SLC14A2: variants seen among roughly 807,000 people sequenced by gnomAD.
The protein encoded by SLC14A2 is solute carrier family 14 member 2.
Under a neutral mutation model 104.6 loss-of-function variants are expected in SLC14A2, and 91 were observed. The observed-to-expected ratio is 0.87, with a 90% confidence interval of 0.73 to 1.04. The LOEUF (loss-of-function observed/expected upper bound fraction) is 1.04, where lower values mean the gene tolerates loss of function less well. SLC14A2 is among the 50% of genes least tolerant of loss of function. The probability of loss-of-function intolerance (pLI) is 0.00; values close to 1 mark genes in which losing one functional copy is unlikely to be tolerated. For missense variants in SLC14A2, 1,189 were observed against 1,156.0 expected (o/e 1.03, Z -0.41); for synonymous variants, 476 against 466.4 (o/e 1.02, Z -0.27).
intron 1 of SLC14A2, among the ~76,000 whole-genome samples, chr18:45,316,558 C>G (rs908823005): frequency 6.6e-6 from 1 of 151,914 alleles, no homozygotes; most frequent in Non-Finnish European, 1.5e-5. Flanking sequence ...TCTGAGGACC[C>G]GATATAAAGG....
At chr18:45,284,832 A>T (rs376032050) in intron 1 of SLC14A2, among the ~76,000 whole-genome samples, 1 of 152,182 alleles carries the variant, frequency 6.6e-6, no homozygotes, top group East Asian at 1.9e-4. Context: ...ATGGAATGCA[A>T]ATGGGAATGA....
chr18:45,175,785 C>T, the SLC14A2 span, among the ~76,000 whole-genome samples: 3 of 152,122 alleles, frequency 2.0e-5, no homozygotes, highest in Non-Finnish European at 2.9e-5. Flanking sequence ...GCTGACAGCA[C>T]ACTTTTGAAA....
the SLC14A2 span, among the ~76,000 whole-genome samples, chr18:45,201,415 T>A: frequency 6.6e-6 from 1 of 152,170 alleles, no homozygotes; most frequent in East Asian, 1.9e-4. Context: ...ATAACTCATT[T>A]ATATCGGTAT....
chr18:45,400,323 A>C (rs906111359), intron 1 of SLC14A2, among the ~76,000 whole-genome samples: 5 of 152,220 alleles, frequency 3.3e-5, no homozygotes, highest in Admixed American at 1.3e-4. Flanking sequence ...ATTACAAGGC[A>C]GTCATTTTGT....
intron 1 of SLC14A2, among the ~76,000 whole-genome samples, chr18:45,409,580 C>T (rs549571129): frequency 1.5e-3 from 230 of 152,244 alleles, no homozygotes; most frequent in Non-Finnish European, 2.5e-3. Context: ...TTTCACAAGA[C>T]GACATTTCCC....
At chr18:45,498,020 G>C (rs980834750) in intron 2 of SLC14A2, among the ~76,000 whole-genome samples, 3 of 152,130 alleles carry the variant, frequency 2.0e-5, no homozygotes, top group Admixed American at 6.5e-5. Context: ...AGGAGGTTAT[G>C]TTTCTGGGAA....
chr18:45,194,571 A>G, the SLC14A2 span, among the ~76,000 whole-genome samples: 1 of 150,188 alleles, frequency 6.7e-6, no homozygotes, highest in South Asian at 2.1e-4. Flanking sequence ...TCTCCTTTAT[A>G]TGTATCGTGA....
intron 1 of SLC14A2, among the ~76,000 whole-genome samples, chr18:45,463,061 G>A (rs1458131028): frequency 6.6e-6 from 1 of 152,186 alleles, no homozygotes; most frequent in African/African-American, 2.4e-5. Context: ...AGCCCAGGAA[G>A]TATACAGGCA....
chr18:45,186,591 CAG>C, the SLC14A2 span, among the ~76,000 whole-genome samples: 2 of 152,156 alleles, frequency 1.3e-5, no homozygotes, highest in Non-Finnish European at 2.9e-5. Context: ...GCTGGACAAA[CAG>C]AATGTCAAGG....
At chr18:45,408,687 G>A (rs562521380) in intron 1 of SLC14A2, among the ~76,000 whole-genome samples, 79 of 152,138 alleles carry the variant, frequency 5.2e-4, no homozygotes, top group Non-Finnish European at 1.0e-3. Context: ...ACCACAGAGA[G>A]GATTTCCCCA....
chr18:45,677,697 G>T (rs572755892), intron 18 of SLC14A2, among the ~76,000 whole-genome samples: 1 of 152,330 alleles, frequency 6.6e-6, no homozygotes, highest in East Asian at 1.9e-4. Context: ...CACAAAGGAC[G>T]GCATGGGCTC....
At chr18:45,205,168 G>C in the SLC14A2 span, among the ~76,000 whole-genome samples, 5 of 152,206 alleles carry the variant, frequency 3.3e-5, no homozygotes, top group East Asian at 9.6e-4. Flanking sequence ...TGGGGGCCCA[G>C]ACCTTCCCCT....
intron 1 of SLC14A2, among the ~76,000 whole-genome samples, chr18:45,436,480 C>G (rs1201498500): frequency 1.3e-5 from 2 of 152,158 alleles, no homozygotes; most frequent in East Asian, 1.9e-4. Flanking sequence ...GAACAGAGAC[C>G]AAACCCTTTC....
intron 10 of SLC14A2, among the ~76,000 whole-genome samples, chr18:45,651,198 C>T (rs931506373): frequency 3.3e-5 from 5 of 152,030 alleles, no homozygotes; most frequent in Admixed American, 3.3e-4. Flanking sequence ...GCCAAAGGAG[C>T]CATTTCTGAG....
chr18:45,175,351 A>C, the SLC14A2 span, among the ~76,000 whole-genome samples: 2 of 151,440 alleles, frequency 1.3e-5, no homozygotes, highest in African/African-American at 4.9e-5. Flanking sequence ...TTTTTTAAAA[A>C]GGTAAAAAAA....
rs903520424 is a variant in SLC14A2, at chr18:45,345,031, G to A, written c.-125+131840G>A. On this transcript the variant is annotated intron_variant, in intron 1 of 20. Transcript: ENST00000586448. ...CTCTGAAGAAAGTGTTGGACGTGCA[G>A]TATGATCCATGATAGCCTGAGACAG... 9.2e-5 allele frequency among the ~76,000 whole-genome samples: 14 copies of A among 152,294 alleles called. No homozygotes were observed. In the East Asian group the frequency reaches 2.5e-3, roughly 27 times the overall value.
At chr18:45,407,175 C>T (rs2086164902) in intron 1 of SLC14A2, among the ~76,000 whole-genome samples, 4 of 152,088 alleles carry the variant, frequency 2.6e-5, no homozygotes, top group Admixed American at 2.6e-4. Flanking sequence ...TTAGTGTATC[C>T]ACCTTCATCA....
intron 1 of SLC14A2, among the ~76,000 whole-genome samples, chr18:45,459,821 A>G (rs936387349): frequency 6.6e-6 from 1 of 152,234 alleles, no homozygotes; most frequent in Non-Finnish European, 1.5e-5. Flanking sequence ...ACCTATAAAC[A>G]CGTTGAAAGC....
intron 1 of SLC14A2, among the ~76,000 whole-genome samples, chr18:45,303,075 G>A (rs72906635): frequency 0.081 from 12,297 of 152,030 alleles, 648 homozygotes; most frequent in South Asian, 0.11. Flanking sequence ...AAATTTAAAG[G>A]AGTTTAATTG....
Sources: gnomAD v4.1 joint callset for allele counts (sites outside exome capture counted in the v4.1 genomes callset) on GRCh38, gnomAD v4.1.1 for gene constraint, MANE v1.5 for transcripts, NCBI Gene and HGNC (gene_info 2026-07-23, HGNC 2026-07-21) for gene names.